Variants in DACH2 observed in about 807,000 individuals in gnomAD.
DACH2 encodes the protein dachshund family transcription factor 2.
A neutral mutation model predicts 35.8 loss-of-function variants in DACH2; 17 were observed. That is an observed-to-expected ratio of 0.48 (90% confidence interval 0.33 to 0.71). The LOEUF is 0.71. Among genes scored for constraint, DACH2 ranks in the 30% least tolerant of loss-of-function variants. DACH2 has a pLI of 0.02. For missense variants in DACH2, 469 were observed against 472.7 expected, an observed-to-expected ratio of 0.99 and a Z score of 0.07; for synonymous variants, 195 against 177.3, an observed-to-expected ratio of 1.10 and a Z score of -0.79.
intron 3 of DACH2, among the ~76,000 whole-genome samples, chrX:86,556,055 G>A (rs1014005171): frequency 3.6e-5 from 4 of 111,769 alleles, no homozygotes; most frequent in African/African-American, 1.3e-4. Flanking sequence ...CTTATGTGAT[G>A]ATGAGTAAAA....
At chrX:86,166,742 A>G (rs1208950397) in intron 1 of DACH2, among the ~76,000 whole-genome samples, 1 of 111,144 alleles carries the variant, frequency 9.0e-6, no homozygotes, top group Non-Finnish European at 1.9e-5. Flanking sequence ...TATTCCTTCT[A>G]TCCCCAGTTT....
At chrX:86,305,610 G>A (rs563413523) in intron 1 of DACH2, among the ~76,000 whole-genome samples, 2 of 110,879 alleles carry the variant, frequency 1.8e-5, no homozygotes, top group South Asian at 3.8e-4. Flanking sequence ...CTTCTGCATA[G>A]CAAAGGAAAT....
chrX:86,399,163 G>A (rs1257252146), intron 2 of DACH2, among the ~76,000 whole-genome samples: 1 of 111,508 alleles, frequency 9.0e-6, no homozygotes, highest in African/African-American at 3.3e-5. Context: ...TTTGATCTTT[G>A]TTGGTTTAAA....
At chrX:86,190,415 G>A (rs187326676) in intron 1 of DACH2, among the ~76,000 whole-genome samples, 60 of 111,267 alleles carry the variant, frequency 5.4e-4, no homozygotes, top group East Asian at 5.7e-4. Context: ...TTCAGCAGAC[G>A]TTTTAATCTA....
intron 7 of DACH2, among the ~76,000 whole-genome samples, chrX:86,755,497 A>G (rs1204815192): frequency 9.0e-6 from 1 of 110,844 alleles, no homozygotes; most frequent in South Asian, 3.8e-4. Context: ...ATCGTTGCCT[A>G]AATCAAAGCA....
intron 3 of DACH2, among the ~76,000 whole-genome samples, chrX:86,594,881 G>A (rs1433513498): frequency 8.9e-6 from 1 of 111,758 alleles, no homozygotes; most frequent in Non-Finnish European, 1.9e-5. Context: ...CTGCTGAAAT[G>A]TACAACTATA....
At chrX:86,531,121 G>A (rs193044786) in intron 3 of DACH2, among the ~76,000 whole-genome samples, 109 of 112,060 alleles carry the variant, frequency 9.7e-4, no homozygotes, top group African/African-American at 3.5e-3. Context: ...TATGCATGAA[G>A]AAAGAGATGG....
At chrX:86,455,535 G>A (rs910233543) in intron 2 of DACH2, among the ~76,000 whole-genome samples, 1 of 112,217 alleles carries the variant, frequency 8.9e-6, no homozygotes, top group Admixed American at 9.4e-5. Context: ...AATAGATTGG[G>A]GTCCCATTTA....
At chrX:86,395,544 C>A (rs1016297940) in intron 2 of DACH2, among the ~76,000 whole-genome samples, 1 of 110,490 alleles carries the variant, frequency 9.1e-6, no homozygotes, top group Admixed American at 9.7e-5. Context: ...TTCCTCCCCC[C>A]ACCCCACAAC....
At chrX:86,280,892 AAGAGCTAACTAC>A (rs2034013170) in intron 1 of DACH2, among the ~76,000 whole-genome samples, 1 of 111,978 alleles carries the variant, frequency 8.9e-6, no homozygotes, top group Admixed American at 9.5e-5. Context: ...ATGCAATAAG[AAGAGCTAACTAC>A]CCTAAATATA....
chrX:86,343,214 A>C (rs982870725), intron 1 of DACH2, among the ~76,000 whole-genome samples: 16 of 111,732 alleles, frequency 1.4e-4, no homozygotes, highest in Non-Finnish European at 2.8e-4. Context: ...CTTTATCAAC[A>C]AAAGTATATA....
At chrX:86,393,028 A>G (rs1231193997) in intron 2 of DACH2, among the ~76,000 whole-genome samples, 1 of 110,590 alleles carries the variant, frequency 9.0e-6, no homozygotes, top group African/African-American at 3.3e-5. Flanking sequence ...CAGTTCCCAT[A>G]AAGTGGAGAA....
intron 2 of DACH2, among the ~76,000 whole-genome samples, chrX:86,393,768 A>G (rs759485876): frequency 2.7e-5 from 3 of 110,960 alleles, no homozygotes; most frequent in Non-Finnish European, 5.7e-5. Context: ...GGTGAACTTG[A>G]TATTTCTGTA....
At chrX:86,396,998 G>A (rs1019954831) in intron 2 of DACH2, among the ~76,000 whole-genome samples, 1 of 111,016 alleles carries the variant, frequency 9.0e-6, no homozygotes, top group Non-Finnish European at 1.9e-5. Flanking sequence ...CCATTTTCAC[G>A]ATATTGATTC....
intron 3 of DACH2, among the ~76,000 whole-genome samples, chrX:86,576,742 G>T (rs2039440276): frequency 9.0e-6 from 1 of 111,090 alleles, no homozygotes; most frequent in Admixed American, 9.6e-5. Flanking sequence ...TGGGTCATAG[G>T]GTCTGATTCC....
chrX:86,170,273 G>A (rs770254633), intron 1 of DACH2, among the ~76,000 whole-genome samples: 1 of 111,749 alleles, frequency 8.9e-6, no homozygotes, highest in African/African-American at 3.3e-5. Flanking sequence ...CTACCGCTAT[G>A]ACTGCACTGG....
intron 1 of DACH2, among the ~76,000 whole-genome samples, chrX:86,295,264 G>T (rs1006681418): frequency 8.9e-6 from 1 of 112,080 alleles, no homozygotes; most frequent in Non-Finnish European, 1.9e-5. Flanking sequence ...GCAATGCCTC[G>T]CCCTGCTTCG....
At chrX:86,686,685 C>A (rs1256011923) in intron 4 of DACH2, among the ~76,000 whole-genome samples, 2 of 111,808 alleles carry the variant, frequency 1.8e-5, no homozygotes, top group African/African-American at 3.3e-5. Flanking sequence ...ACCCCATTTT[C>A]TTCATGTCTA....
chrX:86,713,447 A>G lies in DACH2; in HGVS notation c.932-1101A>G, dbSNP rs1474153733. On this transcript the variant is annotated intron_variant, in intron 5 of 11. Coordinates refer to ENST00000373125, the MANE Select transcript of DACH2 (RefSeq NM_053281.3). Reference sequence around the variant, plus strand: ...AGTGAAGCGATTACCAAGAGTAAAAAAGGACGTTATTAATACTTAATACTT... The same window carrying G: ...AGTGAAGCGATTACCAAGAGTAAAAGAGGACGTTATTAATACTTAATACTT... Among the ~76,000 whole-genome samples, 7 of 111,522 alleles carry G rather than the reference A, an allele frequency of 6.3e-5. No individual in the cohort carries two copies. In the East Asian group the frequency reaches 2.0e-3, roughly 31 times the overall value.
Sources: gnomAD v4.1 joint callset for allele counts (sites outside exome capture counted in the v4.1 genomes callset) on GRCh38, gnomAD v4.1.1 for gene constraint, MANE v1.5 for transcripts, NCBI Gene and HGNC (gene_info 2026-07-23, HGNC 2026-07-21) for gene names.